Variants in COBL observed in about 807,000 individuals in gnomAD.
The protein encoded by COBL is protein cordon-bleu.
A neutral mutation model predicts 98.8 loss-of-function variants in COBL; 51 were observed. That is an observed-to-expected ratio of 0.52 (90% CI 0.41 to 0.65). The LOEUF (loss-of-function observed/expected upper bound fraction) is 0.65, where lower values mean the gene tolerates loss of function less well. Ranked by LOEUF, COBL falls within the 30% of genes least tolerant of loss-of-function variation. COBL has a pLI of 0.00. For missense variants in COBL, 1,617 were observed against 1,617.5 expected, an observed-to-expected ratio of 1.00 and a Z score of 0.01; for synonymous variants, 634 against 651.7, an observed-to-expected ratio of 0.97 and a Z score of 0.41.
chr7:51,306,689 C>T (rs1438635075), intron 1 of COBL, among the ~76,000 whole-genome samples: 1 of 152,134 alleles, frequency 6.6e-6, no homozygotes, highest in Non-Finnish European at 1.5e-5. Flanking sequence ...TCACACACCA[C>T]GTATTTCTTT....
At position 51,043,578 on chromosome 7, in the gene COBL, G is replaced by T. The variant is rs1789410612; in HGVS notation, c.1211C>A (p.Thr404Asn). The change falls in exon 8 of 13, where the codon ACC (threonine) becomes AAC (asparagine). Residue 404 changes from threonine to asparagine, a missense_variant. By Grantham distance (65) the Thr-to-Asn change is moderately conservative. Coordinates refer to ENST00000265136, the MANE Select transcript of COBL (RefSeq NM_015198.5). ...GGAACTCATCACTCCTGAGTCCTCG[G>T]TCGTGTCCTCCGACGCAAAACAGCT... ...VGSCFASEDT[T>N]EDSGVMSSPS... 1 of 1,614,080 alleles carries T rather than the reference G, an allele frequency of 6.2e-7. No individual in the cohort carries two copies. The highest frequency in any genetic ancestry group is 1.3e-5 in the African/African-American group (1 of 74,940).
In COBL at chr7:51,285,192, G is replaced by A. The variant is rs151253484; in HGVS notation, c.41+31401C>T. On this transcript the variant is annotated intron_variant, in intron 1 of 12. Transcript: ENST00000265136. ...GAACTCCTGACCTCGTGATCCACCCGCCTCAGCCTCCTAAAGTGCTGGGAT... is the reference window on the plus strand; with the variant it reads ...GAACTCCTGACCTCGTGATCCACCCACCTCAGCCTCCTAAAGTGCTGGGAT... Among the ~76,000 whole-genome samples, 733 of 152,074 alleles carry A rather than the reference G, an allele frequency of 4.8e-3. 3 individuals are homozygous for A. The highest frequency in any genetic ancestry group is 0.016 in the African/African-American group (681 of 41,492).
intron 2 of COBL, among the ~76,000 whole-genome samples, chr7:51,202,431 C>A (rs1584152321): frequency 2.0e-5 from 3 of 151,892 alleles, no homozygotes; most frequent in Admixed American, 2.0e-4. Flanking sequence ...TTTACTATAT[C>A]CAATTTATAA....
chr7:51,084,825 C>T (rs1024304962), intron 7 of COBL, among the ~76,000 whole-genome samples: 1 of 152,100 alleles, frequency 6.6e-6, no homozygotes, highest in African/African-American at 2.4e-5. Context: ...GCAGTTTCCA[C>T]GATGTCACCC....
chr7:51,204,635 C>T (rs1319129875), intron 2 of COBL, among the ~76,000 whole-genome samples: 1 of 150,980 alleles, frequency 6.6e-6, no homozygotes, highest in East Asian at 2.0e-4. Flanking sequence ...ACTGCAACCT[C>T]CGCCTCCCGG....
chr7:51,222,060 A>T (rs1464839301), intron 1 of COBL, among the ~76,000 whole-genome samples: 1 of 152,130 alleles, frequency 6.6e-6, no homozygotes, highest in Non-Finnish European at 1.5e-5. Flanking sequence ...GTGGTGGCAG[A>T]TGCCTGTAAT....
At chr7:51,186,546 G>C (rs1789530581) in intron 4 of COBL, among the ~76,000 whole-genome samples, 1 of 152,228 alleles carries the variant, frequency 6.6e-6, no homozygotes, top group Admixed American at 6.5e-5. Context: ...GACAGTGGCT[G>C]ATCATCACCT....
intron 6 of COBL, among the ~76,000 whole-genome samples, chr7:51,107,561 G>T (rs571059452): frequency 6.6e-6 from 1 of 152,308 alleles, no homozygotes; most frequent in African/African-American, 2.4e-5. Context: ...AGAAATATGT[G>T]CAGACGTTTA....
intron 3 of COBL, among the ~76,000 whole-genome samples, chr7:51,192,102 T>C (rs1790170450): frequency 6.6e-6 from 1 of 152,160 alleles, no homozygotes. Context: ...CCTCAAACAC[T>C]GTTTACTTGA....
intron 12 of COBL, among the ~76,000 whole-genome samples, chr7:51,018,896 AAAAAAAAAAATAT>A (rs1400187418): frequency 2.2e-4 from 11 of 51,146 alleles, no homozygotes; most frequent in African/African-American, 8.9e-4. Context: ...CATCTCAAAA[AAAAAAAAAAATAT>A]ATATATATAT....
intron 1 of COBL, among the ~76,000 whole-genome samples, chr7:51,280,197 C>G (rs558853708): frequency 6.6e-6 from 1 of 152,000 alleles, no homozygotes; most frequent in Admixed American, 6.6e-5. Flanking sequence ...ATCCTGGATT[C>G]AATGCAGCCT....
In COBL at chr7:51,136,272, T is replaced by C. The variant is rs1799230053; in HGVS notation, c.843A>G (p.Pro281=). ...CTGAGATGCTGCCCAGCGAGAGGGA[T>C]GGACCCAGCGTAAGAGAACGTGAGT... ...SMHSRSLTLG[P]SLSLGSISGV... Residue 281 remains proline (P), a synonymous_variant, in exon 6 of 13, where the codon CCA becomes CCG. Transcript: ENST00000265136. The C allele has an allele frequency of 3.1e-6, 5 of 1,613,792 alleles. No homozygotes were observed. The highest frequency in any genetic ancestry group is 2.7e-5 in the African/African-American group (2 of 74,862).
intron 4 of COBL, 104 bp from the exon 5 acceptor site, chr7:51,184,303 A>T: frequency 1.6e-6 from 1 of 632,998 alleles, no homozygotes; most frequent in East Asian, 3.1e-5. Flanking sequence ...TTAAACTTTT[A>T]GTTCTTGTAA....
intron 1 of COBL, among the ~76,000 whole-genome samples, chr7:51,264,389 G>A (rs551057037): frequency 4.6e-5 from 7 of 152,168 alleles, no homozygotes; most frequent in African/African-American, 1.2e-4. Flanking sequence ...AGCAACCCCC[G>A]GCCAGGCATG....
chr7:51,214,443 C>G lies in COBL; in HGVS notation c.245+5298G>C, dbSNP rs564161073. On this transcript the variant is annotated intron_variant, in intron 2 of 12. Coordinates refer to ENST00000265136, the MANE Select transcript of COBL (RefSeq NM_015198.5). ...ACCTGGACAGGTGTGAACAGGCGAT[C>G]TCAGACATGGAGTGCATTCTGGTTG... 7.2e-5 allele frequency among the ~76,000 whole-genome samples: 11 copies of G among 152,254 alleles called. No homozygotes were observed. The South Asian group carries it at 2.1e-3, about 29-fold the overall frequency.
At position 51,085,248 on chromosome 7, in the gene COBL, G is replaced by C; in HGVS notation, c.1014C>G (p.Pro338=). 1 of 1,613,294 alleles carries C rather than the reference G, an allele frequency of 6.2e-7. No individual in the cohort carries two copies. Among genetic ancestry groups the C allele is most frequent in the African/African-American group, 1.3e-5 (1 of 74,940 alleles). ...TCGGTGGTGGTGGCTGTGGTGGAGG[G>C]GGAGCTGGCGCTCGCCGCTTCTTCT... is the stretch of plus-strand genomic sequence containing the variant. ...LQKKKRRAPA[P]PPPQPPPPSP... The change falls in exon 7 of 13, where the codon CCC becomes CCG. Residue 338 remains proline, a synonymous_variant. Coordinates refer to ENST00000265136, the MANE Select transcript of COBL (RefSeq NM_015198.5).
intron 5 of COBL, among the ~76,000 whole-genome samples, chr7:51,158,266 T>C (rs1053598679): frequency 6.6e-6 from 1 of 152,234 alleles, no homozygotes; most frequent in Non-Finnish European, 1.5e-5. Flanking sequence ...TAATCTACTA[T>C]GAATTGGTAC....
chr7:51,188,035 C>G, intron 4 of COBL: 1 of 1,150,466 alleles, frequency 8.7e-7, no homozygotes, highest in East Asian at 3.2e-5. Flanking sequence ...CCTTGGCCCT[C>G]ACAAGCCTCA....
At chr7:51,123,704 T>C (rs955139490) in intron 6 of COBL, among the ~76,000 whole-genome samples, 8 of 152,258 alleles carry the variant, frequency 5.3e-5, no homozygotes, top group African/African-American at 1.9e-4. Flanking sequence ...AGCAAATGCA[T>C]GACTTCCCTG....
Sources: gnomAD v4.1 joint callset for allele counts (sites outside exome capture counted in the v4.1 genomes callset) on GRCh38, gnomAD v4.1.1 for gene constraint, MANE v1.5 for transcripts, NCBI Gene and HGNC (gene_info 2026-07-23, HGNC 2026-07-21) for gene names.